Variants in NMT1 observed in about 807,000 individuals in gnomAD.
NMT1 encodes the protein glycylpeptide N-tetradecanoyltransferase 1.
In NMT1, 12 loss-of-function variants were observed where a neutral mutation model predicts 63.4. The ratio of observed to expected loss-of-function variants is 0.19; its 90% CI spans 0.12 to 0.31. The LOEUF (loss-of-function observed/expected upper bound fraction) is 0.31. Among genes scored for constraint, NMT1 ranks in the 10% least tolerant of loss-of-function variants. The pLI is 1.00. For synonymous variants in NMT1, 228 were observed against 234.3 expected (o/e 0.97, Z 0.25); for missense variants, 432 against 634.6 (o/e 0.68, Z 3.43).
In NMT1 at chr17:45,104,343, C is replaced by T. The variant is rs1291342963; in HGVS notation, c.1332+467C>T. 6.9e-6 allele frequency: 8 copies of T among 1,154,036 alleles called. No homozygotes were observed. Among genetic ancestry groups the T allele is most frequent in the Non-Finnish European group, 8.6e-6 (8 of 928,578 alleles). 71.5% of individuals were successfully genotyped at this position (1,154,036 alleles called of 1,614,324 possible). The stretch of plus-strand genomic sequence containing the variant: ...CCCAGCCTGCTGTAGGCAATCTGGT[C>T]CCTGCCCTGTGAGAGCTTCTGCTCC... On this transcript the variant is annotated intron_variant, in intron 10 of 11. Transcript: ENST00000258960. The surrounding 1 kb of genome is among the most constrained non-coding windows in gnomAD (Gnocchi z 4.2).
At position 45,104,080 on chromosome 17, in the gene NMT1, GAAC is replaced by G; in HGVS notation, c.1332+205_1332+207del. On this transcript the variant is annotated intron_variant, in intron 10 of 11. Coordinates refer to ENST00000258960, the MANE Select transcript of NMT1 (RefSeq NM_021079.5). The surrounding 1 kb of genome is among the most constrained non-coding windows in gnomAD (Gnocchi z 4.2). Reference sequence around the variant, plus strand: ...AAGGAGCATCCGAAGTGAAGGCATTGAACTCCTCCTGATTCATTTCAGTGAGTT... The same window carrying G: ...AAGGAGCATCCGAAGTGAAGGCATTGTCCTCCTGATTCATTTCAGTGAGTT... 4 of 1,497,250 alleles carry G rather than the reference GAAC, an allele frequency of 2.7e-6. No individual in the cohort carries two copies. Among genetic ancestry groups the G allele is most frequent in the Non-Finnish European group, 3.6e-6 (4 of 1,125,474 alleles). 92.7% of individuals were successfully genotyped at this position (1,497,250 alleles called of 1,614,324 possible).
rs2143525262 is a variant in NMT1 at position 45,104,178 on chromosome 17, C to T, written c.1332+302C>T. ...CTTCCCTGGGAGGACAGGGCTTCTC[C>T]TCACAGCTTTCCCAGCGTGGGAAAG... On this transcript the variant is annotated intron_variant, in intron 10 of 11. Transcript: ENST00000258960. This position sits in a 1 kb window ranked among gnomAD's most constrained non-coding sequence, Gnocchi z 4.2. 7.7e-7 allele frequency: 1 copy of T among 1,293,674 alleles called. No individual in the cohort carries two copies. The highest frequency in any genetic ancestry group is 1.5e-5 in the South Asian group (1 of 65,734). The allele number at this position is 1,293,674 out of a possible 1,614,324, so 80.1% of individuals were successfully genotyped here.
intron 1 of NMT1, among the ~76,000 whole-genome samples, chr17:45,077,502 T>A (rs1416868098): frequency 1.3e-5 from 2 of 152,200 alleles, no homozygotes; most frequent in Non-Finnish European, 2.9e-5. Context: ...GTGATTCTCC[T>A]GCCTCAGCCT....
Position 45,061,381 on chromosome 17 carries a change from C to G in NMT1, c.52C>G (p.Gln18Glu). 6.2e-7 allele frequency: 1 copy of G among 1,614,020 alleles called. No homozygotes were observed. The highest frequency in any genetic ancestry group is 8.5e-7 in the Non-Finnish European group (1 of 1,179,992). Reference sequence around the variant, plus strand: ...GAAGCCGCCGGCACCTCCGCTGCCGCAGATGATGGAAGGGAACGGGAACGG... The same window carrying G: ...GAAGCCGCCGGCACCTCCGCTGCCGGAGATGATGGAAGGGAACGGGAACGG... ...AVKPPAPPLP[Q>E]MMEGNGNGHE... The change falls in exon 1 of 12, where the codon CAG (glutamine) becomes GAG (glutamate). Residue 18 changes from glutamine to glutamate, a missense_variant. Physicochemically the swap from Gln to Glu is conservative, Grantham distance 29 (BLOSUM62 2). Transcript: ENST00000258960.
chr17:45,086,676 G>C (rs753292650), intron 3 of NMT1, 24 bp downstream of exon 3: 1 of 1,590,580 alleles, frequency 6.3e-7, no homozygotes, highest in Non-Finnish European at 8.6e-7. Flanking sequence ...TGCTTTCTTT[G>C]CCAGGTCAGG....
intron 1 of NMT1, among the ~76,000 whole-genome samples, chr17:45,071,923 G>A (rs1270956204): frequency 6.6e-6 from 1 of 152,148 alleles, no homozygotes; most frequent in African/African-American, 2.4e-5. Context: ...TTCTCAAGGA[G>A]TAGGACAGAG....
chr17:45,095,293 A>G (rs1006086795), intron 4 of NMT1, among the ~76,000 whole-genome samples: 11 of 151,772 alleles, frequency 7.2e-5, no homozygotes, highest in Non-Finnish European at 1.3e-4. Flanking sequence ...TTTTTAGTAG[A>G]GATGGGGTTT....
At chr17:45,085,931 C>T (rs906280220) in intron 2 of NMT1, among the ~76,000 whole-genome samples, 6 of 151,538 alleles carry the variant, frequency 4.0e-5, no homozygotes, top group Admixed American at 2.0e-4. Flanking sequence ...AAGCAATTCT[C>T]GTGTCTCAGC....
At chr17:45,101,617 CAAAAAAAAA>C (rs748973404) in intron 8 of NMT1, among the ~76,000 whole-genome samples, 1 of 53,366 alleles carries the variant, frequency 1.9e-5, no homozygotes, top group Admixed American at 2.4e-4. Flanking sequence ...GACTCCGTCG[CAAAAAAAAA>C]AAAAAAAAAA....
intron 3 of NMT1, among the ~76,000 whole-genome samples, chr17:45,089,897 C>T (rs952045709): frequency 2.0e-5 from 3 of 152,032 alleles, no homozygotes; most frequent in Admixed American, 2.0e-4. Flanking sequence ...CTTAGCCTCC[C>T]AAAGTGCTGG....
In NMT1 at chr17:45,104,193, G is replaced by T; in HGVS notation, c.1332+317G>T. 7.9e-7 allele frequency: 1 copy of T among 1,261,768 alleles called. No individual in the cohort carries two copies. Among genetic ancestry groups the T allele is most frequent in the Non-Finnish European group, 1.0e-6 (1 of 989,258 alleles). The allele number at this position is 1,261,768 out of a possible 1,614,324, so 78.2% of individuals were successfully genotyped here. A position where few individuals can be genotyped will look rare whatever the true frequency, so the allele number is the denominator to read the frequency against. ...AGGGCTTCTCCTCACAGCTTTCCCA[G>T]CGTGGGAAAGGGGTGATTGCTGTCT... On this transcript the variant is annotated intron_variant, in intron 10 of 11. Coordinates refer to ENST00000258960, the MANE Select transcript of NMT1 (RefSeq NM_021079.5). The surrounding 1 kb of genome is among the most constrained non-coding windows in gnomAD (Gnocchi z 4.2).
chr17:45,104,369 A>T lies in NMT1; in HGVS notation c.1333-490A>T, dbSNP rs116045298. On this transcript the variant is annotated intron_variant, in intron 10 of 11. Transcript: ENST00000258960. This position sits in a 1 kb window ranked among gnomAD's most constrained non-coding sequence, Gnocchi z 4.2. ...CCTGCCCTGTGAGAGCTTCTGCTCCAGTTGGTGAGGTTTAGGAAGCATCTT... is the reference window on the plus strand; with the variant it reads ...CCTGCCCTGTGAGAGCTTCTGCTCCTGTTGGTGAGGTTTAGGAAGCATCTT... 1,075 of 1,143,906 alleles carry T rather than the reference A, an allele frequency of 9.4e-4. 12 individuals carry two copies. In the African/African-American group the frequency reaches 0.016, roughly 18 times the overall value. 70.9% of individuals were successfully genotyped at this position (1,143,906 alleles called of 1,614,324 possible).
intron 8 of NMT1, among the ~76,000 whole-genome samples, chr17:45,100,686 CCT>C (rs1412817760): frequency 6.8e-6 from 1 of 147,440 alleles, no homozygotes; most frequent in Admixed American, 6.8e-5. Context: ...ACGGTGAAAC[CCT>C]GTCTCTAATA....
Position 45,096,187 on chromosome 17 carries a change from T to C in NMT1, c.505-7T>C. ...TACCTCCAAGTGAGCTGCTTATTTCTTTACAGCTAAAAGAACTGTACACCC... is the reference window on the plus strand; with the variant it reads ...TACCTCCAAGTGAGCTGCTTATTTCCTTACAGCTAAAAGAACTGTACACCC... On this transcript the variant is annotated splice_polypyrimidine_tract_variant and splice_region_variant and intron_variant, in intron 4 of 11. Coordinates refer to ENST00000258960, the MANE Select transcript of NMT1 (RefSeq NM_021079.5). 6.2e-7 allele frequency: 1 copy of C among 1,610,076 alleles called. No individual in the cohort carries two copies. The highest frequency in any genetic ancestry group is 8.5e-7 in the Non-Finnish European group (1 of 1,176,242).
intron 1 of NMT1, 57 bp downstream of exon 1, chr17:45,061,517 G>A: frequency 6.5e-7 from 1 of 1,548,288 alleles, no homozygotes. Flanking sequence ...TGGGTCTCTG[G>A]GGTGCGGGGA....
Position 45,104,864 on chromosome 17 carries a change from G to A in NMT1, c.1338G>A (p.Gly446=). The A allele has an allele frequency of 1.9e-6, 3 of 1,614,212 alleles. No individual in the cohort carries two copies. The highest frequency in any genetic ancestry group is 2.2e-5 in the South Asian group (2 of 91,088). The change falls in exon 11 of 12, where the codon GGG becomes GGA. Residue 446 remains glycine, a synonymous_variant. Transcript: ENST00000258960. The surrounding 1 kb of genome is among the most constrained non-coding windows in gnomAD (Gnocchi z 4.2). ...TTGTCCCTGCTGCTTTGCAGAAAGG[G>A]TTTGATGTGTTCAATGCACTGGATC... ...SDALVLAKMK[G]FDVFNALDLM... is the part of the protein sequence containing the mutation.
intron 3 of NMT1, among the ~76,000 whole-genome samples, chr17:45,088,975 C>T (rs1371681613): frequency 6.6e-6 from 1 of 152,202 alleles, no homozygotes; most frequent in African/African-American, 2.4e-5. Flanking sequence ...CTGGCTTTGC[C>T]TTCTGTGCAG....
At chr17:45,091,435 C>G (rs539397693) in intron 3 of NMT1, among the ~76,000 whole-genome samples, 1 of 151,982 alleles carries the variant, frequency 6.6e-6, no homozygotes, top group Admixed American at 6.6e-5. Flanking sequence ...GTGCCTGTTG[C>G]GTGTAGGACC....
At chr17:45,091,935 C>T (rs769834248) in intron 3 of NMT1, among the ~76,000 whole-genome samples, 10 of 152,132 alleles carry the variant, frequency 6.6e-5, no homozygotes, top group African/African-American at 9.7e-5. Context: ...ATGGGAGGAT[C>T]GTTTGGGCCT....
Sources: allele counts gnomAD v4.1 joint callset (sites outside exome capture counted in the v4.1 genomes callset), GRCh38; gene constraint gnomAD v4.1.1; non-coding constraint Gnocchi (gnomAD v3.1); transcripts MANE v1.5; gene names NCBI Gene and HGNC (gene_info 2026-07-23, HGNC 2026-07-21).